Variants in ADGRG7 observed in about 807,000 individuals in gnomAD.
The protein encoded by ADGRG7 is G-protein coupled receptor 128.
In ADGRG7, 82 loss-of-function variants were observed where a neutral mutation model predicts 88.6. The ratio of observed to expected loss-of-function variants is 0.93; its 90% CI spans 0.77 to 1.11. The LOEUF is 1.11. Ranked by LOEUF, ADGRG7 falls within the 50% of genes most tolerant of loss-of-function variation. The pLI, the probability that ADGRG7 is intolerant of heterozygous loss-of-function variation, is 0.00. For synonymous variants in ADGRG7, 381 were observed against 345.2 expected (o/e 1.10, Z -1.15); for missense variants, 945 against 953.4 (o/e 0.99, Z 0.12).
intron 15 of ADGRG7, among the ~76,000 whole-genome samples, chr3:100,690,068 C>T (rs373436269): frequency 1.4e-4 from 21 of 152,128 alleles, no homozygotes; most frequent in Admixed American, 4.6e-4. Context: ...AGGCTTTGTT[C>T]GTTTCTTTTT....
rs112664667 is a variant in ADGRG7, at chr3:100,641,287, G to A, written c.699-1979G>A. On this transcript the variant is annotated intron_variant, in intron 6 of 15. Transcript: ENST00000273352. ...TAGGGAAGCTTAAGAGAGTTTTAAC[G>A]TCTTTCTATATAAGGCTTTCTATAT... Among the ~76,000 whole-genome samples, 1,035 of 151,658 alleles carry A rather than the reference G, an allele frequency of 6.8e-3. 15 individuals carry two copies. Among genetic ancestry groups the A allele is most frequent in the African/African-American group, 0.023 (956 of 41,356 alleles).
chr3:100,647,283 A>G (rs1364651374), intron 10 of ADGRG7, among the ~76,000 whole-genome samples: 2 of 152,218 alleles, frequency 1.3e-5, no homozygotes, highest in Non-Finnish European at 2.9e-5. Context: ...AAGGGAGTCC[A>G]TGTGCGAAAG....
chr3:100,644,696 A>G (rs1194396053), intron 8 of ADGRG7, among the ~76,000 whole-genome samples: 2 of 151,894 alleles, frequency 1.3e-5, no homozygotes, highest in Non-Finnish European at 2.9e-5. Context: ...AAAAAAAAAA[A>G]AATTAAATTT....
At chr3:100,652,166 T>A (rs1184324004) in intron 11 of ADGRG7, among the ~76,000 whole-genome samples, 1 of 152,120 alleles carries the variant, frequency 6.6e-6, no homozygotes, top group Admixed American at 6.5e-5. Context: ...TTTTTGCAGT[T>A]CTGGTCATTA....
At chr3:100,672,418 C>T (rs572740903) in intron 15 of ADGRG7, among the ~76,000 whole-genome samples, 7 of 152,164 alleles carry the variant, frequency 4.6e-5, no homozygotes, top group Non-Finnish European at 8.8e-5. Flanking sequence ...TATCCTGAGA[C>T]ATTACTGAAG....
intron 3 of ADGRG7, among the ~76,000 whole-genome samples, chr3:100,632,586 A>G (rs1309021723): frequency 6.6e-6 from 1 of 152,190 alleles, no homozygotes; most frequent in Non-Finnish European, 1.5e-5. Context: ...GCCATCATAT[A>G]AATTAAGAGT....
intron 1 of ADGRG7, among the ~76,000 whole-genome samples, chr3:100,617,725 T>C (rs1465651878): frequency 1.3e-5 from 2 of 152,168 alleles, no homozygotes; most frequent in East Asian, 1.9e-4. Context: ...TTTGGGTATA[T>C]ACCCAGTAAT....
At position 100,655,145 on chromosome 3, in the gene ADGRG7, C is replaced by T. The variant is rs373804273; in HGVS notation, c.1690C>T (p.Arg564Trp). ...AATAAGGACCATGAAGCCTCTTCCT[C>T]GGCATTTCATTCTTTTCATCTCATT... ...LLIRTMKPLP[R>W]HFILFISLIG... The change falls in exon 12 of 16, where the codon CGG becomes TGG. Residue 564 changes from arginine to tryptophan, a missense_variant. Physicochemically the swap from Arg to Trp is moderately radical, Grantham distance 101. Transcript: ENST00000273352. The T allele has an allele frequency of 7.4e-6, 12 of 1,612,268 alleles. No individual in the cohort carries two copies. Among genetic ancestry groups the T allele is most frequent in the Middle Eastern group, 1.6e-4 (1 of 6,076 alleles).
intron 1 of ADGRG7, among the ~76,000 whole-genome samples, chr3:100,614,569 T>C (rs1330991194): frequency 6.6e-6 from 1 of 152,150 alleles, no homozygotes; most frequent in Non-Finnish European, 1.5e-5. Context: ...GTCCTCTCAT[T>C]TAAGAGTTAA....
intron 4 of ADGRG7, chr3:100,635,454 A>T: frequency 1.0e-6 from 1 of 956,468 alleles, no homozygotes; most frequent in Non-Finnish European, 1.4e-6. Context: ...GCAGCCCCTT[A>T]TAGTTAATCA....
At chr3:100,612,218 A>T (rs1344371051) in intron 1 of ADGRG7, among the ~76,000 whole-genome samples, 1 of 151,754 alleles carries the variant, frequency 6.6e-6, no homozygotes, top group Non-Finnish European at 1.5e-5. Context: ...TGTGAAAAAT[A>T]AAAAAAAATT....
intron 13 of ADGRG7, among the ~76,000 whole-genome samples, chr3:100,656,973 G>A (rs1208435783): frequency 1.3e-5 from 2 of 152,148 alleles, no homozygotes; most frequent in Non-Finnish European, 2.9e-5. Flanking sequence ...TATCTCATAG[G>A]GGAGGTAATT....
At chr3:100,672,809 G>C (rs974889797) in intron 15 of ADGRG7, among the ~76,000 whole-genome samples, 1 of 152,176 alleles carries the variant, frequency 6.6e-6, no homozygotes, top group Admixed American at 6.5e-5. Flanking sequence ...TGTCTATTGA[G>C]ATAATCATGT....
Position 100,633,363 on chromosome 3 carries a change from A to C in ADGRG7, c.433A>C (p.Thr145Pro). 1.9e-6 allele frequency: 3 copies of C among 1,583,310 alleles called. No homozygotes were observed. Among genetic ancestry groups the C allele is most frequent in the Non-Finnish European group, 2.6e-6 (3 of 1,163,214 alleles). The change falls in exon 4 of 16, where the codon ACC becomes CCC. Residue 145 changes from threonine (T) to proline (P), a missense_variant. Coordinates refer to ENST00000273352, the MANE Select transcript of ADGRG7 (RefSeq NM_032787.3). ...TIGNCNENLE[T>P]LEKQVKDVTA... is the part of the protein sequence containing the mutation. ...AGGAAATTGCAATGAAAATCTGGAA[A>C]CCCTGGAAAAGCAGGTATGCCATAT...
At chr3:100,617,326 C>T (rs971431937) in intron 1 of ADGRG7, among the ~76,000 whole-genome samples, 3 of 151,724 alleles carry the variant, frequency 2.0e-5, no homozygotes, top group East Asian at 3.9e-4. Context: ...CCCATTAACT[C>T]GTCACTTAAC....
intron 1 of ADGRG7, among the ~76,000 whole-genome samples, chr3:100,610,745 A>T (rs563393859): frequency 2.6e-5 from 4 of 152,254 alleles, no homozygotes; most frequent in Admixed American, 2.0e-4. Context: ...TGGGCTACAT[A>T]CTCCCTTTCG....
intron 1 of ADGRG7, among the ~76,000 whole-genome samples, chr3:100,628,619 G>C (rs144221805): frequency 2.6e-5 from 4 of 152,248 alleles, no homozygotes; most frequent in African/African-American, 9.6e-5. Context: ...GCCTCCCAAA[G>C]TGTTGGGATT....
rs115416542 is a variant in ADGRG7 at position 100,623,612 on chromosome 3, C to A, written c.116-5986C>A. 6.1e-3 allele frequency among the ~76,000 whole-genome samples: 925 copies of A among 152,186 alleles called. 5 individuals carry two copies. The highest frequency in any genetic ancestry group is 0.021 in the African/African-American group (877 of 41,524). On this transcript the variant is annotated intron_variant, in intron 1 of 15. Coordinates refer to ENST00000273352, the MANE Select transcript of ADGRG7 (RefSeq NM_032787.3). The stretch of plus-strand genomic sequence containing the variant: ...GGTTTGTTACATAGGTATACGTGTG[C>A]GCTGGTGGTTTGCTGCACCTATCAA...
chr3:100,677,692 T>C (rs1392791090), intron 15 of ADGRG7, among the ~76,000 whole-genome samples: 2 of 152,200 alleles, frequency 1.3e-5, no homozygotes, highest in Admixed American at 6.5e-5. Flanking sequence ...TTTCACCAGA[T>C]ATGCTATTTT....
Sources: gnomAD v4.1 joint callset for allele counts (sites outside exome capture counted in the v4.1 genomes callset) on GRCh38, gnomAD v4.1.1 for gene constraint, MANE v1.5 for transcripts, NCBI Gene and HGNC (gene_info 2026-07-23, HGNC 2026-07-21) for gene names.